Variants in ZC3H12A observed in about 807,000 individuals in gnomAD.
The protein encoded by ZC3H12A is zinc finger CCCH-type containing 12A.
A neutral mutation model predicts 29.9 loss-of-function variants in ZC3H12A; 9 were observed. The ratio of observed to expected loss-of-function variants is 0.30; its 90% CI spans 0.18 to 0.53. ZC3H12A has a LOEUF of 0.53. Among genes scored for constraint, ZC3H12A ranks in the 20% least tolerant of loss-of-function variants. ZC3H12A has a pLI of 0.96. For missense variants in ZC3H12A, 617 were observed against 799.0 expected (o/e 0.77, Z 2.75); for synonymous variants, 323 against 338.1 (o/e 0.96, Z 0.49).
Position 37,480,421 on chromosome 1 carries a change from C to A in ZC3H12A, c.575C>A (p.Pro192His). ...AAGGAGCAGCCTCGGCCCGACGTGC[C>A]CATCACAGGTGAGTGGTGCCTCTGG... Reference protein sequence around the residue: ...WRKEQPRPDVPITDQHILREL... With the variant: ...WRKEQPRPDVHITDQHILREL... Residue 192 changes from proline (P) to histidine (H), a missense_variant, in exon 3 of 6, where the codon CCC (proline) becomes CAC (histidine). Coordinates refer to ENST00000373087, the MANE Select transcript of ZC3H12A (RefSeq NM_025079.3). 1 of 1,612,314 alleles carries A rather than the reference C, an allele frequency of 6.2e-7. No individual in the cohort carries two copies. The highest frequency in any genetic ancestry group is 8.5e-7 in the Non-Finnish European group (1 of 1,178,900).
In ZC3H12A at chr1:37,478,578, G is replaced by A. The variant is rs1437821820; in HGVS notation, c.444-1712G>A. ...CTGCGAATCCCTGCTCATTCCCTGC[G>A]ATCAGGGTCTGTGCCTGCCTTCGTA... is the stretch of plus-strand genomic sequence containing the variant. On this transcript the variant is annotated intron_variant, in intron 2 of 5. Coordinates refer to ENST00000373087, the MANE Select transcript of ZC3H12A (RefSeq NM_025079.3). The surrounding 1 kb of genome is among the most constrained non-coding windows in gnomAD (Gnocchi z 5.2). 1.3e-5 allele frequency among the ~76,000 whole-genome samples: 2 copies of A among 152,158 alleles called. No individual in the cohort carries two copies. The highest frequency in any genetic ancestry group is 2.4e-5 in the African/African-American group (1 of 41,434).
At position 37,479,848 on chromosome 1, in the gene ZC3H12A, A is replaced by C. The variant is rs1641665620; in HGVS notation, c.444-442A>C. ...GTGGTGACTCAGTGTGCATGTGTAC[A>C]TCTGTCCCTGTGGTCCCGGCAGCTC... On this transcript the variant is annotated intron_variant, in intron 2 of 5. Transcript: ENST00000373087. This position sits in a 1 kb window ranked among gnomAD's most constrained non-coding sequence, Gnocchi z 4.5. 1.0e-6 allele frequency: 1 copy of C among 985,256 alleles called. No individual in the cohort carries two copies. Among genetic ancestry groups the C allele is most frequent in the Non-Finnish European group, 1.2e-6 (1 of 829,922 alleles). The allele number at this position is 985,256 out of a possible 1,614,324, so 61.0% of individuals were successfully genotyped here. A position where few individuals can be genotyped will look rare whatever the true frequency, so the allele number is the denominator to read the frequency against.
chr1:37,478,594 T>G lies in ZC3H12A; in HGVS notation c.444-1696T>G, dbSNP rs1165981727. On this transcript the variant is annotated intron_variant, in intron 2 of 5. Transcript: ENST00000373087. The surrounding 1 kb of genome is among the most constrained non-coding windows in gnomAD (Gnocchi z 5.2). ...ATTCCCTGCGATCAGGGTCTGTGCC[T>G]GCCTTCGTACCTGCCTGAGCATTGA... Among the ~76,000 whole-genome samples the G allele has an allele frequency of 6.6e-6, 1 of 152,206 alleles. No homozygotes were observed. Among genetic ancestry groups the G allele is most frequent in the African/African-American group, 2.4e-5 (1 of 41,446 alleles).
At position 37,482,911 on chromosome 1, in the gene ZC3H12A, T is replaced by C; in HGVS notation, c.1100T>C (p.Leu367Pro). Residue 367 changes from leucine to proline, a missense_variant, in exon 6 of 6, where the codon CTG becomes CCG. By Grantham distance (98) the Leu-to-Pro change is moderately conservative. Coordinates refer to ENST00000373087, the MANE Select transcript of ZC3H12A (RefSeq NM_025079.3). ...TCACCTTCATCCCAGTCCAGCTCTC[T>C]GCTAACAGAGAGTGAGCAGTGCAGC... ...RPSPSSQSSS[L>P]LTESEQCSLD... is the part of the protein sequence containing the mutation. The C allele has an allele frequency of 5.0e-6, 8 of 1,613,780 alleles. No homozygotes were observed. The highest frequency in any genetic ancestry group is 2.2e-5 in the East Asian group (1 of 44,876).
rs907270745 is a variant in ZC3H12A at position 37,475,977 on chromosome 1, G to T, written c.443+38G>T. 1 of 1,475,056 alleles carries T rather than the reference G, an allele frequency of 6.8e-7. No individual in the cohort carries two copies. The highest frequency in any genetic ancestry group is 8.9e-7 in the Non-Finnish European group (1 of 1,117,956). The allele number at this position is 1,475,056 out of a possible 1,614,324, so 91.4% of individuals were successfully genotyped here. Reference sequence around the variant, plus strand: ...TCTGTGGCCAGGACACATGAGGTTCGCATCTCTCCTGTGGCCAGGACACAT... The same window carrying T: ...TCTGTGGCCAGGACACATGAGGTTCTCATCTCTCCTGTGGCCAGGACACAT... On this transcript the variant is annotated intron_variant, in intron 2 of 5. Transcript: ENST00000373087. The surrounding 1 kb of genome is among the most constrained non-coding windows in gnomAD (Gnocchi z 5.2).
chr1:37,482,847 C>G lies in ZC3H12A; in HGVS notation c.1036C>G (p.Pro346Ala). The G allele has an allele frequency of 6.2e-7, 1 of 1,614,020 alleles. No homozygotes were observed. Among genetic ancestry groups the G allele is most frequent in the Non-Finnish European group, 8.5e-7 (1 of 1,180,042 alleles). The part of the protein sequence containing the change: ...ELRANALLSP[P>A]RAPSKDKNGR... ...CCGTGCCAATGCTCTCCTCTCACCCCCCAGAGCCCCAAGCAAGGACAAAAA... is the reference window on the plus strand; with the variant it reads ...CCGTGCCAATGCTCTCCTCTCACCCGCCAGAGCCCCAAGCAAGGACAAAAA... The change falls in exon 6 of 6, where the codon CCC (proline) becomes GCC (alanine). Residue 346 changes from proline (P) to alanine (A), a missense_variant. Physicochemically the swap from Pro to Ala is conservative, Grantham distance 27. Transcript: ENST00000373087.
At position 37,483,154 on chromosome 1, in the gene ZC3H12A, C is replaced by T. The variant is rs1222663156; in HGVS notation, c.1343C>T (p.Ser448Leu). The T allele has an allele frequency of 9.9e-6, 16 of 1,613,394 alleles. No homozygotes were observed. The highest frequency in any genetic ancestry group is 1.4e-5 in the Non-Finnish European group (16 of 1,179,940). ...ATTGGCTCCCTGGAGAGCCAGATGT[C>T]GGAACTTTGGGGGGTTCGAGGAGGA... Reference protein sequence around the residue: ...SGIGSLESQMSELWGVRGGGP... With the variant: ...SGIGSLESQMLELWGVRGGGP... Residue 448 changes from serine (S) to leucine (L), a missense_variant, in exon 6 of 6, where the codon TCG becomes TTG. Ser to Leu is a moderately radical substitution (Grantham distance 145). Coordinates refer to ENST00000373087, the MANE Select transcript of ZC3H12A (RefSeq NM_025079.3).
rs757257308 is a variant in ZC3H12A at position 37,482,488 on chromosome 1, C to G, written c.873C>G (p.Phe291Leu). Reference sequence around the variant, plus strand: ...GGCACGGGCCCAGCCTGGACAACTTCCTGCGTAAGAAGCCACTCACTTTGG... The same window carrying G: ...GGCACGGGCCCAGCCTGGACAACTTGCTGCGTAAGAAGCCACTCACTTTGG... Reference protein sequence around the residue: ...LGRHGPSLDNFLRKKPLTLEH... With the variant: ...LGRHGPSLDNLLRKKPLTLEH... Residue 291 changes from phenylalanine to leucine, a missense_variant, in exon 5 of 6, where the codon TTC (phenylalanine) becomes TTG (leucine). Phe to Leu is a conservative substitution (Grantham distance 22, BLOSUM62 0). Around this residue, in one of 5 missense-constraint regions of ZC3H12A, gnomAD observed 255 missense variants for 402.5 expected, o/e 0.63. Transcript: ENST00000373087. The G allele has an allele frequency of 6.2e-7, 1 of 1,614,046 alleles. No individual in the cohort carries two copies. The highest frequency in any genetic ancestry group is 1.3e-5 in the African/African-American group (1 of 74,926).
rs772028749 is a variant in ZC3H12A at position 37,475,925 on chromosome 1, C to T, written c.429C>T (p.Ser143=). The T allele has an allele frequency of 8.6e-6, 13 of 1,510,674 alleles. No homozygotes were observed. The highest frequency in any genetic ancestry group is 8.8e-7 in the Non-Finnish European group (1 of 1,135,986). 93.6% of individuals were successfully genotyped at this position (1,510,674 alleles called of 1,614,324 possible). A position where few individuals can be genotyped will look rare whatever the true frequency, so the allele number is the denominator to read the frequency against. ...SDLRPVVIDG[S]NVAMSHGNKE... Reference sequence around the variant, plus strand: ...TGAGACCAGTGGTCATCGATGGGAGCAACGTGGCCATGAGGTAAGTGTCAC... The same window carrying T: ...TGAGACCAGTGGTCATCGATGGGAGTAACGTGGCCATGAGGTAAGTGTCAC... The change falls in exon 2 of 6, where the codon AGC becomes AGT. Residue 143 remains serine, a synonymous_variant. Transcript: ENST00000373087. This position sits in a 1 kb window ranked among gnomAD's most constrained non-coding sequence, Gnocchi z 5.2.
chr1:37,477,666 G>A (rs891254692), intron 2 of ZC3H12A, among the ~76,000 whole-genome samples: 1 of 152,238 alleles, frequency 6.6e-6, no homozygotes, highest in Non-Finnish European at 1.5e-5. Flanking sequence ...CAGCCTAGCT[G>A]GAGTCTTCTA....
chr1:37,480,240 G>T, intron 2 of ZC3H12A, 50 bp from the exon 3 acceptor site: 1 of 1,587,086 alleles, frequency 6.3e-7, no homozygotes, highest in African/African-American at 1.3e-5. Flanking sequence ...AGGCCTAGGG[G>T]GTGGCAGGCT....
At chr1:37,477,489 C>T (rs576663926) in intron 2 of ZC3H12A, among the ~76,000 whole-genome samples, 3 of 152,168 alleles carry the variant, frequency 2.0e-5, no homozygotes, top group Non-Finnish European at 4.4e-5. Context: ...GGCCACCCCC[C>T]CTCCCCAGGG....
chr1:37,481,486 C>CGG, intron 3 of ZC3H12A, 115 bp from the exon 4 acceptor site: 1 of 971,532 alleles, frequency 1.0e-6, no homozygotes, highest in African/African-American at 1.6e-5. Flanking sequence ...GTTCTTGCCC[C>CGG]GGTGACCTTG....
At position 37,479,213 on chromosome 1, in the gene ZC3H12A, G is replaced by A. The variant is rs1203568818; in HGVS notation, c.444-1077G>A. 1 of 985,448 alleles carries A rather than the reference G, an allele frequency of 1.0e-6. No homozygotes were observed. The highest frequency in any genetic ancestry group is 1.7e-5 in the African/African-American group (1 of 57,350). The allele number at this position is 985,448 out of a possible 1,614,324, so 61.0% of individuals were successfully genotyped here. On this transcript the variant is annotated intron_variant, in intron 2 of 5. Coordinates refer to ENST00000373087, the MANE Select transcript of ZC3H12A (RefSeq NM_025079.3). The surrounding 1 kb of genome is among the most constrained non-coding windows in gnomAD (Gnocchi z 4.5). Reference sequence around the variant, plus strand: ...CCTAGGAGCTCTTCCATGACACCTAGTGTTACCTGGGAGCCCCAAGCCCCA... The same window carrying A: ...CCTAGGAGCTCTTCCATGACACCTAATGTTACCTGGGAGCCCCAAGCCCCA...
intron 4 of ZC3H12A, 128 bp from the exon 5 acceptor site, chr1:37,482,306 T>G: frequency 1.2e-6 from 1 of 808,274 alleles, no homozygotes; most frequent in Non-Finnish European, 2.0e-6. Context: ...TGCGGGGTCC[T>G]GGACAGGCCC....
At position 37,475,402 on chromosome 1, in the gene ZC3H12A, G is replaced by A; in HGVS notation, c.-38-57G>A. The A allele has an allele frequency of 7.4e-7, 1 of 1,347,044 alleles. No homozygotes were observed. Among genetic ancestry groups the A allele is most frequent in the Non-Finnish European group, 1.0e-6 (1 of 991,014 alleles). 83.4% of individuals were successfully genotyped at this position (1,347,044 alleles called of 1,614,324 possible). A position where few individuals can be genotyped will look rare whatever the true frequency, so the allele number is the denominator to read the frequency against. On this transcript the variant is annotated intron_variant, in intron 1 of 5. Coordinates refer to ENST00000373087, the MANE Select transcript of ZC3H12A (RefSeq NM_025079.3). The surrounding 1 kb of genome is among the most constrained non-coding windows in gnomAD (Gnocchi z 5.2). The stretch of plus-strand genomic sequence containing the variant: ...CCCTCATCCTGCTGGATGTGGTTTT[G>A]GGAGGGAGGTTAGGAGAGAGCGCTA...
chr1:37,483,939 A>T lies in ZC3H12A; in HGVS notation c.*328A>T. On this transcript the variant is annotated 3_prime_UTR_variant, in exon 6 of 6. Transcript: ENST00000373087. Reference sequence around the variant, plus strand: ...CCGTCTTTTCTCTCAGAGGGTGGGGAGGGAGGTGGGGGCAGCAGAGGCCTG... The same window carrying T: ...CCGTCTTTTCTCTCAGAGGGTGGGGTGGGAGGTGGGGGCAGCAGAGGCCTG... The T allele has an allele frequency of 7.6e-6, 2 of 264,498 alleles. No homozygotes were observed. Among genetic ancestry groups the T allele is most frequent in the Non-Finnish European group, 1.5e-5 (2 of 136,700 alleles). The allele number at this position is 264,498 out of a possible 1,614,324, so 16.4% of individuals were successfully genotyped here.
rs1641648409 is a variant in ZC3H12A at position 37,479,122 on chromosome 1, T to C, written c.444-1168T>C. ...CTCTTTTGCGTAACATTTATTCTGT[T>C]TTATTTGCCAAATACGAGAGTCTAA... On this transcript the variant is annotated intron_variant, in intron 2 of 5. Coordinates refer to ENST00000373087, the MANE Select transcript of ZC3H12A (RefSeq NM_025079.3). This position sits in a 1 kb window ranked among gnomAD's most constrained non-coding sequence, Gnocchi z 4.5. 1.0e-6 allele frequency: 1 copy of C among 985,316 alleles called. No individual in the cohort carries two copies. The highest frequency in any genetic ancestry group is 1.2e-6 in the Non-Finnish European group (1 of 829,940). 61.0% of individuals were successfully genotyped at this position (985,316 alleles called of 1,614,324 possible).
In ZC3H12A at chr1:37,482,898, C is replaced by A. The variant is rs1641740479; in HGVS notation, c.1087C>A (p.Gln363Lys). Residue 363 changes from glutamine to lysine, a missense_variant, in exon 6 of 6, where the codon CAG becomes AAG. Around this residue, in one of 5 missense-constraint regions of ZC3H12A, gnomAD observed 115 missense variants for 112.5 expected, o/e 1.02. Transcript: ENST00000373087. The part of the protein sequence containing the change: ...KNGRRPSPSS[Q>K]SSSLLTESEQ... ...TGGCCGGCGGCCTTCACCTTCATCC[C>A]AGTCCAGCTCTCTGCTAACAGAGAG... 4 of 1,613,856 alleles carry A rather than the reference C, an allele frequency of 2.5e-6. No individual in the cohort carries two copies. The highest frequency in any genetic ancestry group is 3.4e-6 in the Non-Finnish European group (4 of 1,180,044).
Sources: allele counts gnomAD v4.1 joint callset (sites outside exome capture counted in the v4.1 genomes callset), GRCh38; gene constraint gnomAD v4.1.1; regional missense constraint gnomAD v4.1.1; non-coding constraint Gnocchi (gnomAD v3.1); transcripts MANE v1.5; gene names NCBI Gene and HGNC (gene_info 2026-07-23, HGNC 2026-07-21).